Variants in NCBP2L observed in about 807,000 individuals in gnomAD.
The protein encoded by NCBP2L is nuclear cap binding protein subunit 2 like, also known as nuclear cap-binding protein subunit 2-like.
For synonymous variants in NCBP2L, 39 were observed against 19.2 expected, an observed-to-expected ratio of 2.04 and a Z score of -2.70; for missense variants, 95 against 53.1, an observed-to-expected ratio of 1.79 and a Z score of -2.45.
intron 1 of NCBP2L, among the ~76,000 whole-genome samples, chrX:107,792,341 CAAA>C (rs35382213): frequency 4.3e-5 from 3 of 69,230 alleles, no homozygotes; most frequent in Non-Finnish European, 3.1e-5. Context: ...GTAACCAGAT[CAAA>C]AAAAAAAAAA....
At chrX:107,789,074 C>T (rs1930418730) in intron 1 of NCBP2L, among the ~76,000 whole-genome samples, 1 of 110,535 alleles carries the variant, frequency 9.0e-6, no homozygotes, top group Non-Finnish European at 1.9e-5. Flanking sequence ...GATCTCACCT[C>T]TTATTCCATT....
Position 107,794,998 on chromosome X carries a change from T to C in NCBP2L, c.*316T>C, listed in dbSNP as rs1442180848. ...TTTTAAGAAGATTTCTGTTGGATTC[T>C]ATGGCCATGTTCCTGCAGCCCAAAA... On this transcript the variant is annotated 3_prime_UTR_variant, in exon 2 of 2. Coordinates refer to ENST00000509000, the MANE Select transcript of NCBP2L (RefSeq NM_001348372.2). 1 of 140,466 alleles carries C rather than the reference T, an allele frequency of 7.1e-6. No homozygotes were observed. The highest frequency in any genetic ancestry group is 1.8e-4 in the East Asian group (1 of 5,422). The allele number at this position is 140,466 out of a possible 1,213,427, so 11.6% of individuals were successfully genotyped here. A position where few individuals can be genotyped will look rare whatever the true frequency, so the allele number is the denominator to read the frequency against.
rs376112813 is a variant in NCBP2L at position 107,794,346 on chromosome X, T to C, written c.126T>C (p.Asn42=). 19 of 568,741 alleles carry C rather than the reference T, an allele frequency of 3.3e-5. No homozygotes were observed. The highest frequency in any genetic ancestry group is 6.1e-5 in the Non-Finnish European group (19 of 309,297). 46.9% of individuals were successfully genotyped at this position (568,741 alleles called of 1,213,427 possible). A position where few individuals can be genotyped will look rare whatever the true frequency, so the allele number is the denominator to read the frequency against. Residue 42 remains asparagine (N), a synonymous_variant, in exon 2 of 2, where the codon AAT becomes AAC. Coordinates refer to ENST00000509000, the MANE Select transcript of NCBP2L (RefSeq NM_001348372.2). ...EKLLKESSTL[N]MGNLSFYTTE... is the part of the protein sequence containing the mutation. ...TACTGAAGGAAAGCTCCACATTGAA[T>C]ATGGGGAATCTTTCCTTTTATACAA...
At chrX:107,792,632 C>G (rs111685179) in intron 1 of NCBP2L, among the ~76,000 whole-genome samples, 47 of 111,564 alleles carry the variant, frequency 4.2e-4, no homozygotes, top group African/African-American at 1.4e-3. Flanking sequence ...TGTGTTCTGC[C>G]CTTGCACATG....
intron 1 of NCBP2L, among the ~76,000 whole-genome samples, chrX:107,783,965 A>C (rs1930363190): frequency 9.1e-6 from 1 of 110,373 alleles, no homozygotes; most frequent in South Asian, 3.9e-4. Flanking sequence ...AATGAAGCAC[A>C]GAATGGTGAT....
At position 107,782,252 on chromosome X, in the gene NCBP2L, T is replaced by TATATATATAAATATATATATATAA. The variant is rs1569457264; in HGVS notation, c.-73+4428_-73+4451dup. ...ATATATATAAATATATATATATAAA[T>TATATATATAAATATATATATATAA]ATATATATAAATATATATATATAAA... On this transcript the variant is annotated intron_variant, in intron 1 of 1. Transcript: ENST00000509000. Among the ~76,000 whole-genome samples, 60 of 20,067 alleles carry TATATATATAAATATATATATATAA rather than the reference T, an allele frequency of 3.0e-3. 1 individual carries two copies. The highest frequency in any genetic ancestry group is 3.6e-3 in the Non-Finnish European group (51 of 14,069). The allele number at this position is 20,067 out of a possible 115,157, so 17.4% of individuals were successfully genotyped here. A position where few individuals can be genotyped will look rare whatever the true frequency, so the allele number is the denominator to read the frequency against.
intron 1 of NCBP2L, among the ~76,000 whole-genome samples, chrX:107,781,809 T>TATAAATAG (rs1333129026): frequency 1.0e-5 from 1 of 99,277 alleles, no homozygotes; most frequent in Non-Finnish European, 2.0e-5. Flanking sequence ...TATATATAGA[T>TATAAATAG]ATCTAGATAT....
rs1053085614 is a variant in NCBP2L at position 107,795,188 on chromosome X, C to T, written c.*506C>T. On this transcript the variant is annotated 3_prime_UTR_variant, in exon 2 of 2. Transcript: ENST00000509000. ...TGCCCCACCTCTTCCTATCCTACGC[C>T]TATTCCCTGGACGATAACGCTTAAT... 1 of 112,680 alleles carries T rather than the reference C, an allele frequency of 8.9e-6. No homozygotes were observed. The highest frequency in any genetic ancestry group is 1.9e-5 in the Non-Finnish European group (1 of 53,563). 9.3% of individuals were successfully genotyped at this position (112,680 alleles called of 1,213,427 possible). A position where few individuals can be genotyped will look rare whatever the true frequency, so the allele number is the denominator to read the frequency against.
At chrX:107,782,314 TATATATATATAA>T (rs1331062948) in intron 1 of NCBP2L, among the ~76,000 whole-genome samples, 2 of 33,334 alleles carry the variant, frequency 6.0e-5, no homozygotes, top group Admixed American at 5.2e-4. Context: ...TATATATAAA[TATATATATATAA>T]ATATATATAT....
Position 107,782,324 on chromosome X carries a change from T to A in NCBP2L, c.-73+4466T>A, listed in dbSNP as rs865792088. On this transcript the variant is annotated intron_variant, in intron 1 of 1. Coordinates refer to ENST00000509000, the MANE Select transcript of NCBP2L (RefSeq NM_001348372.2). ...AAATATATATATAAATATATATATA[T>A]AAATATATATATAAATATATATATA... 2.4e-3 allele frequency among the ~76,000 whole-genome samples: 90 copies of A among 36,875 alleles called. 8 individuals carry two copies. Among genetic ancestry groups the A allele is most frequent in the Non-Finnish European group, 2.9e-3 (79 of 27,474 alleles). The allele number at this position is 36,875 out of a possible 115,157, so 32.0% of individuals were successfully genotyped here. A position where few individuals can be genotyped will look rare whatever the true frequency, so the allele number is the denominator to read the frequency against.
At chrX:107,790,780 T>C (rs1930442083) in intron 1 of NCBP2L, among the ~76,000 whole-genome samples, 1 of 111,846 alleles carries the variant, frequency 8.9e-6, no homozygotes, top group Non-Finnish European at 1.9e-5. Flanking sequence ...ATTTGTACAT[T>C]CTGCATTTTG....
chrX:107,795,127 G>C lies in NCBP2L; in HGVS notation c.*445G>C, dbSNP rs1441853512. 8.9e-6 allele frequency: 1 copy of C among 112,909 alleles called. No individual in the cohort carries two copies. Among genetic ancestry groups the C allele is most frequent in the African/African-American group, 3.2e-5 (1 of 30,808 alleles). 9.3% of individuals were successfully genotyped at this position (112,909 alleles called of 1,213,427 possible). ...CACTATTATTTGAAACCATAGAAAAGTCTGGAAGAATTTGTAATAAAAACA... is the reference window on the plus strand; with the variant it reads ...CACTATTATTTGAAACCATAGAAAACTCTGGAAGAATTTGTAATAAAAACA... On this transcript the variant is annotated 3_prime_UTR_variant, in exon 2 of 2. Coordinates refer to ENST00000509000, the MANE Select transcript of NCBP2L (RefSeq NM_001348372.2).
At position 107,795,304 on chromosome X, in the gene NCBP2L, C is replaced by G. The variant is rs1220003931; in HGVS notation, c.*622C>G. 1.8e-5 allele frequency: 2 copies of G among 111,931 alleles called. No homozygotes were observed. Among genetic ancestry groups the G allele is most frequent in the Non-Finnish European group, 3.8e-5 (2 of 53,271 alleles). The allele number at this position is 111,931 out of a possible 1,213,427, so 9.2% of individuals were successfully genotyped here. A position where few individuals can be genotyped will look rare whatever the true frequency, so the allele number is the denominator to read the frequency against. On this transcript the variant is annotated 3_prime_UTR_variant, in exon 2 of 2. Transcript: ENST00000509000. Reference sequence around the variant, plus strand: ...CTACTTACTTTCTTTTTAAACGCTACGTACTGACTTCCTACTTTCAGAGAT... The same window carrying G: ...CTACTTACTTTCTTTTTAAACGCTAGGTACTGACTTCCTACTTTCAGAGAT...
At chrX:107,785,472 A>T (rs1025777449) in intron 1 of NCBP2L, among the ~76,000 whole-genome samples, 1 of 111,554 alleles carries the variant, frequency 9.0e-6, no homozygotes, top group Non-Finnish European at 1.9e-5. Context: ...GGGCATTCCT[A>T]GATGGTGGGT....
rs749901523 is a variant in NCBP2L, at chrX:107,794,525, C to T, written c.305C>T (p.Thr102Ile). The change falls in exon 2 of 2, where the codon ACC becomes ATC. Residue 102 changes from threonine (T) to isoleucine (I), a missense_variant. Physicochemically the swap from Thr to Ile is moderately conservative, Grantham distance 89. Coordinates refer to ENST00000509000, the MANE Select transcript of NCBP2L (RefSeq NM_001348372.2). ...AENAMRFLTGTCLDEWIICTD... is the reference protein window; with the variant it reads ...AENAMRFLTGICLDEWIICTD... ...AATGCCATGCGGTTTCTAACTGGGA[C>T]CTGCCTAGATGAATGGATTATCTGC... 3.5e-6 allele frequency: 2 copies of T among 568,146 alleles called. No homozygotes were observed. Among genetic ancestry groups the T allele is most frequent in the Non-Finnish European group, 6.5e-6 (2 of 309,192 alleles). 46.8% of individuals were successfully genotyped at this position (568,146 alleles called of 1,213,427 possible).
At chrX:107,783,575 G>A (rs34695515) in intron 1 of NCBP2L, among the ~76,000 whole-genome samples, 19,439 of 105,663 alleles carry the variant, frequency 0.18, 1,977 homozygotes, top group African/African-American at 0.36. Context: ...GTTTCACCAT[G>A]TTGGCCAGGC....
At chrX:107,792,060 G>A (rs781064701) in intron 1 of NCBP2L, among the ~76,000 whole-genome samples, 8 of 112,242 alleles carry the variant, frequency 7.1e-5, no homozygotes, top group Admixed American at 1.9e-4. Context: ...TGTTTGTAGT[G>A]AGCCAAGTTA....
At chrX:107,791,331 C>T (rs1247460289) in intron 1 of NCBP2L, among the ~76,000 whole-genome samples, 2 of 111,011 alleles carry the variant, frequency 1.8e-5, no homozygotes, top group African/African-American at 3.3e-5. Context: ...ACTTCAGCCT[C>T]GATCTCCTGG....
intron 1 of NCBP2L, among the ~76,000 whole-genome samples, chrX:107,783,374 T>TA (rs1330833262): frequency 5.9e-5 from 5 of 84,709 alleles, no homozygotes; most frequent in South Asian, 5.6e-4. Flanking sequence ...TTTTTTTTTT[T>TA]TTTTTATTTT....
Sources: allele counts gnomAD v4.1 joint callset (sites outside exome capture counted in the v4.1 genomes callset), GRCh38; gene constraint gnomAD v4.1.1; transcripts MANE v1.5; gene names NCBI Gene and HGNC (gene_info 2026-07-23, HGNC 2026-07-21).